Variants in SH3PXD2A observed in about 807,000 individuals in gnomAD.
The protein encoded by SH3PXD2A is SH3 and PX domain-containing protein 2A.
SH3PXD2A carries 32 observed loss-of-function variants against 115.2 expected under a neutral mutation model. The observed-to-expected ratio is 0.28, with a 90% confidence interval of 0.21 to 0.37. SH3PXD2A has a LOEUF of 0.37. SH3PXD2A is among the 10% of genes least tolerant of loss of function. The pLI, the probability that SH3PXD2A is intolerant of heterozygous loss-of-function variation, is 1.00. For missense variants in SH3PXD2A, 1,328 were observed against 1,498.7 expected, an observed-to-expected ratio of 0.89 and a Z score of 1.88; for synonymous variants, 610 against 629.1, an observed-to-expected ratio of 0.97 and a Z score of 0.45.
At chr10:103,603,949 A>G (rs1192125237) in intron 14 of SH3PXD2A, among the ~76,000 whole-genome samples, 160 bp from the exon 15 acceptor site, 4 of 152,156 alleles carry the variant, frequency 2.6e-5, no homozygotes, top group Non-Finnish European at 1.5e-5. Context: ...CAATATAGTA[A>G]ATAATGCACC....
chr10:103,716,887 G>A (rs1475198182), intron 5 of SH3PXD2A, among the ~76,000 whole-genome samples: 1 of 152,240 alleles, frequency 6.6e-6, no homozygotes, highest in Non-Finnish European at 1.5e-5. Flanking sequence ...GAGAACGTGT[G>A]TATGTATGTG....
chr10:103,602,464 C>T lies in SH3PXD2A; in HGVS notation c.2754G>A (p.Gln918=). Residue 918 remains glutamine, a synonymous_variant, in exon 15 of 15, where the codon CAG becomes CAA. Transcript: ENST00000369774. ...CCAGGCTGTCTGATTTGCCTTCGTT[C>T]TGCCTGCCCTTGGCGGGCACTGTGT... ...ELDTVPAKGR[Q]NEGKSDSLEK... is the part of the protein sequence containing the mutation. The T allele has an allele frequency of 6.2e-7, 1 of 1,614,164 alleles. No homozygotes were observed.
chr10:103,645,220 C>T (rs1045206488), intron 8 of SH3PXD2A, among the ~76,000 whole-genome samples: 1 of 152,212 alleles, frequency 6.6e-6, no homozygotes, highest in African/African-American at 2.4e-5. Flanking sequence ...CAAGCTCAGA[C>T]TCTCTGAAGC....
intron 1 of SH3PXD2A, among the ~76,000 whole-genome samples, chr10:103,806,459 G>A (rs1956591813): frequency 6.6e-6 from 1 of 152,030 alleles, no homozygotes. Flanking sequence ...GCCAGCACTG[G>A]AAACTTCAGA....
chr10:103,835,377 C>T (rs774808505), intron 1 of SH3PXD2A, among the ~76,000 whole-genome samples: 2 of 152,208 alleles, frequency 1.3e-5, no homozygotes, highest in African/African-American at 2.4e-5. Context: ...TGTCCACCCG[C>T]GATCCCTTCC....
intron 8 of SH3PXD2A, among the ~76,000 whole-genome samples, chr10:103,648,132 G>A (rs1365261604): frequency 1.3e-5 from 2 of 152,186 alleles, no homozygotes; most frequent in Non-Finnish European, 2.9e-5. Context: ...CGACACAGGT[G>A]AGGCGATGAG....
intron 1 of SH3PXD2A, among the ~76,000 whole-genome samples, chr10:103,843,485 G>T (rs958642867): frequency 3.3e-5 from 5 of 152,186 alleles, no homozygotes; most frequent in African/African-American, 1.2e-4. Flanking sequence ...CCTCTGAAGG[G>T]CCAGGCCTTC....
At chr10:103,717,898 G>A (rs1267823930) in intron 5 of SH3PXD2A, among the ~76,000 whole-genome samples, 1 of 152,040 alleles carries the variant, frequency 6.6e-6, no homozygotes, top group East Asian at 1.9e-4. Context: ...GCAAGGGGGA[G>A]CTGAGTCAGT....
chr10:103,674,293 C>G (rs1212867233), intron 6 of SH3PXD2A, among the ~76,000 whole-genome samples: 1 of 152,200 alleles, frequency 6.6e-6, no homozygotes, highest in African/African-American at 2.4e-5. Flanking sequence ...CAGGGCACTT[C>G]CTTGTGGTAG....
chr10:103,792,636 T>C (rs1275773910), intron 2 of SH3PXD2A, among the ~76,000 whole-genome samples: 1 of 152,204 alleles, frequency 6.6e-6, no homozygotes, highest in African/African-American at 2.4e-5. Flanking sequence ...TCATCAAAGC[T>C]TAGACAGTAA....
chr10:103,740,762 T>C (rs879544), intron 3 of SH3PXD2A, among the ~76,000 whole-genome samples: 48,438 of 152,112 alleles, frequency 0.32, 9,274 homozygotes, highest in African/African-American at 0.54. Context: ...TTTCTGCCAC[T>C]TGGAACGCCA....
intron 8 of SH3PXD2A, among the ~76,000 whole-genome samples, chr10:103,642,424 C>G (rs998119422): frequency 6.6e-6 from 1 of 152,196 alleles, no homozygotes; most frequent in Non-Finnish European, 1.5e-5. Context: ...ATGAGACAAA[C>G]TTTTCCCACT....
In SH3PXD2A at chr10:103,683,082, AG is replaced by A. The variant is rs1395444930; in HGVS notation, c.427+9945del. 3.3e-5 allele frequency among the ~76,000 whole-genome samples: 5 copies of A among 152,090 alleles called. No individual in the cohort carries two copies. In the East Asian group the frequency reaches 9.6e-4, roughly 29 times the overall value. ...AGACTTTTCAAGCTCATGCCAGGCC[AG>A]GTGTGGTGGCTCACGTCTGTAATCC... On this transcript the variant is annotated intron_variant, in intron 6 of 14. Transcript: ENST00000369774.
At chr10:103,778,576 A>G (rs1187412086) in intron 2 of SH3PXD2A, among the ~76,000 whole-genome samples, 1 of 152,260 alleles carries the variant, frequency 6.6e-6, no homozygotes, top group East Asian at 1.9e-4. Context: ...ATGGGAGTAG[A>G]AACAGCGCCC....
chr10:103,743,246 T>C (rs545404943), intron 3 of SH3PXD2A, among the ~76,000 whole-genome samples: 37 of 152,228 alleles, frequency 2.4e-4, no homozygotes, highest in African/African-American at 8.9e-4. Flanking sequence ...TAATGGGGCT[T>C]TCTTCACCAT....
intron 3 of SH3PXD2A, among the ~76,000 whole-genome samples, chr10:103,738,756 G>A (rs927120371): frequency 5.3e-5 from 8 of 152,158 alleles, no homozygotes; most frequent in African/African-American, 1.9e-4. Context: ...CTCTGGCTGA[G>A]GCTTAGATCA....
At chr10:103,683,456 A>C (rs2037637636) in intron 6 of SH3PXD2A, among the ~76,000 whole-genome samples, 1 of 152,122 alleles carries the variant, frequency 6.6e-6, no homozygotes, top group Non-Finnish European at 1.5e-5. Context: ...GTAAATCGAG[A>C]TTGGGCTACT....
intron 5 of SH3PXD2A, among the ~76,000 whole-genome samples, chr10:103,693,783 G>C (rs191216759): frequency 1.3e-5 from 2 of 152,072 alleles, no homozygotes; most frequent in African/African-American, 4.8e-5. Context: ...AGCGGGTAGT[G>C]GGGGGGACAG....
At chr10:103,643,548 A>T (rs1049341385) in intron 8 of SH3PXD2A, among the ~76,000 whole-genome samples, 1 of 152,212 alleles carries the variant, frequency 6.6e-6, no homozygotes, top group African/African-American at 2.4e-5. Context: ...GAGCAAGGCA[A>T]GTTCTAGCAA....
Sources: allele counts gnomAD v4.1 joint callset (sites outside exome capture counted in the v4.1 genomes callset), GRCh38; gene constraint gnomAD v4.1.1; transcripts MANE v1.5; gene names NCBI Gene and HGNC (gene_info 2026-07-23, HGNC 2026-07-21).